The following AGMO variants were observed in gnomAD, a reference collection of about 807,000 sequenced individuals.
AGMO encodes glyceryl-ether monooxygenase.
In AGMO, 75 loss-of-function variants were observed where a neutral mutation model predicts 60.2. The observed-to-expected ratio is 1.25, with a 90% CI of 1.03 to 1.51. AGMO has a LOEUF of 1.51. Ranked by LOEUF, AGMO falls within the 40% of genes most tolerant of loss-of-function variation. The probability of loss-of-function intolerance (pLI) is 0.00; values close to 1 mark genes in which losing one functional copy is unlikely to be tolerated. For synonymous variants in AGMO, 261 were observed against 177.1 expected (o/e 1.47, Z -3.76); for missense variants, 763 against 525.5 (o/e 1.45, Z -4.42).
intron 12 of AGMO, among the ~76,000 whole-genome samples, chr7:15,329,092 T>C (rs1192787540): frequency 6.6e-6 from 1 of 152,116 alleles, no homozygotes; most frequent in East Asian, 1.9e-4. Flanking sequence ...TCCCCTCTCT[T>C]TGTTGTCCCA....
the AGMO span, among the ~76,000 whole-genome samples, chr7:15,126,374 T>C: frequency 6.6e-6 from 1 of 152,116 alleles, no homozygotes; most frequent in Non-Finnish European, 1.5e-5. Flanking sequence ...TCATAGAGCA[T>C]GATTATTGGC....
chr7:15,409,859 T>C (rs78839942), intron 5 of AGMO, among the ~76,000 whole-genome samples: 2,081 of 151,896 alleles, frequency 0.014, 42 homozygotes, highest in African/African-American at 0.048. Flanking sequence ...TTACTAATCA[T>C]ATGGCCCAGG....
At chr7:15,243,444 T>C (rs1056516362) in intron 12 of AGMO, among the ~76,000 whole-genome samples, 1 of 152,108 alleles carries the variant, frequency 6.6e-6, no homozygotes, top group Admixed American at 6.5e-5. Flanking sequence ...GATCCATCTA[T>C]TTTATTCTCT....
chr7:15,337,667 T>C (rs1188857178), intron 12 of AGMO, among the ~76,000 whole-genome samples: 6 of 152,186 alleles, frequency 3.9e-5, no homozygotes, highest in Non-Finnish European at 8.8e-5. Context: ...ACAATCCTAA[T>C]GCTTGATAGG....
At chr7:15,544,742 G>T in intron 3 of AGMO, 30 bp downstream of exon 3, 1 of 1,526,338 alleles carries the variant, frequency 6.6e-7, no homozygotes, top group Non-Finnish European at 8.8e-7. Flanking sequence ...TTCAACATAA[G>T]TTAACAAAAA....
chr7:15,144,374 C>T, the AGMO span, among the ~76,000 whole-genome samples: 1 of 152,010 alleles, frequency 6.6e-6, no homozygotes, highest in Admixed American at 6.6e-5. Flanking sequence ...ATACTTTTCC[C>T]AATCTTTCTG....
At chr7:15,394,722 A>T (rs554533606) in intron 5 of AGMO, among the ~76,000 whole-genome samples, 1 of 152,152 alleles carries the variant, frequency 6.6e-6, no homozygotes, top group Non-Finnish European at 1.5e-5. Context: ...TTCACCCTGT[A>T]AATCAGCCAT....
At chr7:15,371,292 C>T (rs1783201656) in intron 10 of AGMO, among the ~76,000 whole-genome samples, 1 of 152,096 alleles carries the variant, frequency 6.6e-6, no homozygotes, top group Non-Finnish European at 1.5e-5. Context: ...ACCATCTAAG[C>T]TCACGACAAC....
At position 15,361,546 on chromosome 7, in the gene AGMO, A is replaced by AAAAAAAAAG. The variant is rs1554261757; in HGVS notation, c.1263+3959_1263+3967dup. On this transcript the variant is annotated intron_variant, in intron 12 of 12. Transcript: ENST00000342526. ...CAGAGCGAGACTGTGTCTCAAAAAA[A>AAAAAAAAAG]AAAAAAAAGGTTTTGAGATTTAGAT... is the stretch of plus-strand genomic sequence containing the variant. Among the ~76,000 whole-genome samples the AAAAAAAAAG allele has an allele frequency of 2.2e-5, 2 of 91,408 alleles. 1 individual carries two copies. Among genetic ancestry groups the AAAAAAAAAG allele is most frequent in the Non-Finnish European group, 4.3e-5 (2 of 46,262 alleles). The allele number at this position is 91,408 out of a possible 152,430, so 60.0% of individuals were successfully genotyped here.
At chr7:15,466,601 A>T (rs1782296902) in intron 3 of AGMO, among the ~76,000 whole-genome samples, 1 of 152,160 alleles carries the variant, frequency 6.6e-6, no homozygotes. Context: ...CTTTAGGGCT[A>T]AACTACCTAG....
the AGMO span, among the ~76,000 whole-genome samples, chr7:15,156,146 G>A: frequency 3.3e-5 from 5 of 152,300 alleles, no homozygotes; most frequent in East Asian, 1.9e-4. Flanking sequence ...GTGTGCATGC[G>A]CACCAGCAAG....
At chr7:15,379,020 T>C (rs747445557) in intron 10 of AGMO, among the ~76,000 whole-genome samples, 2 of 151,880 alleles carry the variant, frequency 1.3e-5, no homozygotes, top group African/African-American at 4.8e-5. Context: ...TTTCGGTAAA[T>C]GATGAAATTA....
At chr7:15,526,293 A>G (rs115863013) in intron 3 of AGMO, among the ~76,000 whole-genome samples, 81 of 152,320 alleles carry the variant, frequency 5.3e-4, no homozygotes, top group African/African-American at 1.7e-3. Context: ...CTACAAAGCA[A>G]AAGTTAAGTC....
intron 12 of AGMO, among the ~76,000 whole-genome samples, chr7:15,359,545 G>T (rs1216596981): frequency 1.3e-5 from 2 of 152,042 alleles, no homozygotes; most frequent in African/African-American, 4.8e-5. Flanking sequence ...TAGAAGTAAA[G>T]TTTTTTGCAA....
chr7:15,421,047 C>T (rs538989787), intron 4 of AGMO, among the ~76,000 whole-genome samples: 3 of 152,100 alleles, frequency 2.0e-5, no homozygotes, highest in East Asian at 1.9e-4. Flanking sequence ...ACTAAGTGAA[C>T]GTGGCGAGCA....
chr7:15,272,175 C>T (rs1783631313), intron 12 of AGMO, among the ~76,000 whole-genome samples: 1 of 151,590 alleles, frequency 6.6e-6, no homozygotes, highest in Non-Finnish European at 1.5e-5. Context: ...GGTAAATGTG[C>T]ACAACGTGGT....
At chr7:15,327,727 A>G (rs1032725706) in intron 12 of AGMO, among the ~76,000 whole-genome samples, 2 of 145,102 alleles carry the variant, frequency 1.4e-5, no homozygotes, top group African/African-American at 5.1e-5. Flanking sequence ...AAAAATGATA[A>G]ACTGATTTCT....
chr7:15,195,387 G>A (rs1378262011), downstream of AGMO, among the ~76,000 whole-genome samples: 2 of 152,226 alleles, frequency 1.3e-5, no homozygotes, highest in African/African-American at 2.4e-5. Flanking sequence ...AGTGCACAGG[G>A]TTGTACAGAT....
At chr7:15,423,211 C>T (rs1170349317) in intron 4 of AGMO, among the ~76,000 whole-genome samples, 17 of 151,918 alleles carry the variant, frequency 1.1e-4, no homozygotes, top group Admixed American at 8.5e-4. Context: ...AATGTTCATC[C>T]GAATTCAGAA....
Sources: gnomAD v4.1 joint callset for allele counts (sites outside exome capture counted in the v4.1 genomes callset) on GRCh38, gnomAD v4.1.1 for gene constraint, MANE v1.5 for transcripts, NCBI Gene and HGNC (gene_info 2026-07-23, HGNC 2026-07-21) for gene names.